The following NAA50 variants were observed in gnomAD, a reference collection of about 807,000 sequenced individuals.
The protein encoded by NAA50 is N-alpha-acetyltransferase 50, NatE catalytic subunit.
In NAA50, 7 loss-of-function variants were observed where a neutral mutation model predicts 20.7. The ratio of observed to expected loss-of-function variants is 0.34; its 90% confidence interval spans 0.19 to 0.63. The LOEUF is 0.63. NAA50 is among the 30% of genes least tolerant of loss of function. The pLI is 0.75. For missense variants in NAA50, 111 were observed against 199.1 expected, an observed-to-expected ratio of 0.56 and a Z score of 2.66; for synonymous variants, 54 against 70.6, an observed-to-expected ratio of 0.77 and a Z score of 1.18.
intron 1 of NAA50, among the ~76,000 whole-genome samples, chr3:113,726,621 G>GTAGT (rs1708202574): frequency 6.6e-6 from 1 of 151,958 alleles, no homozygotes; most frequent in South Asian, 2.1e-4. Context: ...GCACGTGCCT[G>GTAGT]TAGTCACAGC....
chr3:113,728,901 A>AT (rs1465154032), intron 1 of NAA50, among the ~76,000 whole-genome samples: 1 of 151,900 alleles, frequency 6.6e-6, no homozygotes, highest in Non-Finnish European at 1.5e-5. Context: ...TGGCCTCTCC[A>AT]TCCTTGGCTG....
rs1481273978 is a variant in NAA50 at position 113,721,222 on chromosome 3, C to G, written c.*538G>C. 3 of 153,664 alleles carry G rather than the reference C, an allele frequency of 2.0e-5. No homozygotes were observed. Among genetic ancestry groups the G allele is most frequent in the African/African-American group, 4.8e-5 (2 of 41,448 alleles). The allele number at this position is 153,664 out of a possible 1,614,324, so 9.5% of individuals were successfully genotyped here. On this transcript the variant is annotated 3_prime_UTR_variant, in exon 5 of 5. Transcript: ENST00000240922. ...AAAAATCAACATAAGCTTAGTATTT[C>G]TTACAAGGATAACAATGTTCCAACT...
intron 1 of NAA50, among the ~76,000 whole-genome samples, chr3:113,731,000 C>T (rs560546280): frequency 2.3e-4 from 35 of 152,276 alleles, no homozygotes; most frequent in African/African-American, 8.4e-4. Flanking sequence ...TCTTCATCAG[C>T]ATTTGGCATT....
chr3:113,726,273 T>C (rs557841433), intron 1 of NAA50, among the ~76,000 whole-genome samples: 1 of 152,000 alleles, frequency 6.6e-6, no homozygotes, highest in Non-Finnish European at 1.5e-5. Context: ...AATAAAAAAA[T>C]AGACATTTTC....
chr3:113,737,363 A>G (rs1708357426), intron 1 of NAA50, among the ~76,000 whole-genome samples: 1 of 152,258 alleles, frequency 6.6e-6, no homozygotes, highest in African/African-American at 2.4e-5. Flanking sequence ...GTAGTAAATT[A>G]CATGAAAGAG....
intron 1 of NAA50, among the ~76,000 whole-genome samples, chr3:113,732,070 C>T (rs1351869749): frequency 6.6e-6 from 1 of 152,060 alleles, no homozygotes; most frequent in Non-Finnish European, 1.5e-5. Context: ...TCACCCCCAA[C>T]CAAAGGATGT....
rs1272036384 is a variant in NAA50 at position 113,746,195 on chromosome 3, C to T, written c.-246G>A. ...TCTCCACACGTGCACTCGGGTCTCTCGGCTCCCTCCCGCCGCTGCCGCCAG... is the reference window on the plus strand; with the variant it reads ...TCTCCACACGTGCACTCGGGTCTCTTGGCTCCCTCCCGCCGCTGCCGCCAG... On this transcript the variant is annotated 5_prime_UTR_variant, in exon 1 of 5. Transcript: ENST00000240922. 3 of 506,526 alleles carry T rather than the reference C, an allele frequency of 5.9e-6. No individual in the cohort carries two copies. Among genetic ancestry groups the T allele is most frequent in the Non-Finnish European group, 1.0e-5 (3 of 288,886 alleles). The allele number at this position is 506,526 out of a possible 1,614,324, so 31.4% of individuals were successfully genotyped here.
intron 1 of NAA50, among the ~76,000 whole-genome samples, chr3:113,732,256 CAA>C (rs1559740145): frequency 6.6e-6 from 1 of 152,026 alleles, no homozygotes; most frequent in Non-Finnish European, 1.5e-5. Context: ...ACTATTCAGA[CAA>C]AAAAGATTTT....
In NAA50 at chr3:113,746,126, G is replaced by C. The variant is rs1454237840; in HGVS notation, c.-177C>G. ...AGAGTCGAGTGAGGGCTTGAGTCTG[G>C]TGGGGGCGGGAGTGTCTCCCGCCGC... On this transcript the variant is annotated 5_prime_UTR_variant, in exon 1 of 5. Coordinates refer to ENST00000240922, the MANE Select transcript of NAA50 (RefSeq NM_025146.4). 2 of 740,210 alleles carry C rather than the reference G, an allele frequency of 2.7e-6. No homozygotes were observed. The highest frequency in any genetic ancestry group is 3.6e-5 in the African/African-American group (2 of 54,804). The allele number at this position is 740,210 out of a possible 1,614,324, so 45.9% of individuals were successfully genotyped here.
At chr3:113,726,949 G>A (rs1182333048) in intron 1 of NAA50, among the ~76,000 whole-genome samples, 2 of 152,024 alleles carry the variant, frequency 1.3e-5, no homozygotes, top group South Asian at 2.1e-4. Flanking sequence ...ATGCCACCAC[G>A]CCCAGCTGAT....
Position 113,741,630 on chromosome 3 carries a change from C to T in NAA50, c.8+4312G>A, listed in dbSNP as rs147920578. On this transcript the variant is annotated intron_variant, in intron 1 of 4. Transcript: ENST00000240922. ...CACATGTGCAATAATATTCACACAACAGAAGTAAGGATCTTTGAAATTATG... is the reference window on the plus strand; with the variant it reads ...CACATGTGCAATAATATTCACACAATAGAAGTAAGGATCTTTGAAATTATG... Among the ~76,000 whole-genome samples, 23 of 152,310 alleles carry T rather than the reference C, an allele frequency of 1.5e-4. No homozygotes were observed. In the East Asian group the frequency reaches 4.0e-3, roughly 27 times the overall value.
intron 1 of NAA50, 90 bp downstream of exon 1, chr3:113,745,852 T>TA (rs1708489206): frequency 7.0e-7 from 1 of 1,434,098 alleles, no homozygotes; most frequent in Non-Finnish European, 9.4e-7. Flanking sequence ...TCGCCCTGAA[T>TA]CTCTCCTCGC....
chr3:113,721,443 A>C lies in NAA50; in HGVS notation c.*317T>G, dbSNP rs1053280805. ...TGTAGGCTCTGCCCTTCAATGTGAA[A>C]GCAGGACATTAAATTTGAAATTATT... On this transcript the variant is annotated 3_prime_UTR_variant, in exon 5 of 5. Transcript: ENST00000240922. 90 of 313,182 alleles carry C rather than the reference A, an allele frequency of 2.9e-4. 6 individuals carry two copies. The highest frequency in any genetic ancestry group is 1.2e-5 in the Non-Finnish European group (2 of 168,716). The allele number at this position is 313,182 out of a possible 1,614,324, so 19.4% of individuals were successfully genotyped here. A position where few individuals can be genotyped will look rare whatever the true frequency, so the allele number is the denominator to read the frequency against.
chr3:113,721,679 G>C lies in NAA50; in HGVS notation c.*81C>G. ...GAGGGAGAAAAGCTTTAAAAGAAAA[G>C]TGTTGGGGTGGGGGAGGAATCAATG... is the stretch of plus-strand genomic sequence containing the variant. On this transcript the variant is annotated 3_prime_UTR_variant, in exon 5 of 5. Transcript: ENST00000240922. 1 of 1,432,724 alleles carries C rather than the reference G, an allele frequency of 7.0e-7. No homozygotes were observed. Among genetic ancestry groups the C allele is most frequent in the Non-Finnish European group, 9.7e-7 (1 of 1,027,516 alleles). 88.8% of individuals were successfully genotyped at this position (1,432,724 alleles called of 1,614,324 possible). A position where few individuals can be genotyped will look rare whatever the true frequency, so the allele number is the denominator to read the frequency against.
Position 113,722,772 on chromosome 3 carries a change from C to T in NAA50, c.332+134G>A, listed in dbSNP as rs147703040. On this transcript the variant is annotated intron_variant, in intron 4 of 4. Transcript: ENST00000240922. ...AAACTAAACAAAACTAACAACTACT[C>T]GAATACTTTGTAACAACTACTTCCA... is the stretch of plus-strand genomic sequence containing the variant. 1.9e-3 allele frequency: 2,015 copies of T among 1,075,912 alleles called. 41 individuals are homozygous for T. The Admixed American group carries it at 0.04, about 21-fold the overall frequency. The allele number at this position is 1,075,912 out of a possible 1,614,324, so 66.6% of individuals were successfully genotyped here.
chr3:113,722,998 C>A (rs757728707), intron 3 of NAA50, 26 bp from the exon 4 acceptor site: 3 of 1,500,938 alleles, frequency 2.0e-6, no homozygotes, highest in African/African-American at 2.8e-5. Context: ...ATAACAAACA[C>A]GTGACTTCAT....
intron 1 of NAA50, among the ~76,000 whole-genome samples, chr3:113,729,722 T>G (rs1343116771): frequency 6.6e-6 from 1 of 151,830 alleles, no homozygotes; most frequent in Non-Finnish European, 1.5e-5. Context: ...TTGTTTTGTT[T>G]TGTTTTTGTA....
At position 113,718,143 on chromosome 3, in the gene NAA50, A is replaced by C. The variant is rs1435085530; in HGVS notation, c.*3617T>G. 6.6e-6 allele frequency: 1 copy of C among 152,196 alleles called. No individual in the cohort carries two copies. The highest frequency in any genetic ancestry group is 1.5e-5 in the Non-Finnish European group (1 of 68,052). The allele number at this position is 152,196 out of a possible 1,614,324, so 9.4% of individuals were successfully genotyped here. ...AGGGGAAGCCACATACCAGTTGTCC[A>C]CCAGGCAACTGGTGCCCAAGGAACT... On this transcript the variant is annotated 3_prime_UTR_variant, in exon 5 of 5. Transcript: ENST00000240922.
intron 1 of NAA50, among the ~76,000 whole-genome samples, chr3:113,727,704 TA>T (rs1429329199): frequency 5.3e-5 from 8 of 151,366 alleles, no homozygotes; most frequent in African/African-American, 1.9e-4. Flanking sequence ...TGGCCAGAAA[TA>T]AGTTTGCTGA....
Sources: allele counts gnomAD v4.1 joint callset (sites outside exome capture counted in the v4.1 genomes callset), GRCh38; gene constraint gnomAD v4.1.1; transcripts MANE v1.5; gene names NCBI Gene and HGNC (gene_info 2026-07-23, HGNC 2026-07-21).